NELL2: variants seen among roughly 807,000 people sequenced by gnomAD.
NELL2 encodes neural EGFL like 2.
Under a neutral mutation model 109.6 loss-of-function variants are expected in NELL2, and 41 were observed. The ratio of observed to expected loss-of-function variants is 0.37; its 90% CI spans 0.29 to 0.49. The LOEUF (loss-of-function observed/expected upper bound fraction) is 0.49. Ranked by LOEUF, NELL2 falls within the 20% of genes least tolerant of loss-of-function variation. The pLI, the probability that NELL2 is intolerant of heterozygous loss-of-function variation, is 0.98. For synonymous variants in NELL2, 355 were observed against 344.7 expected, an observed-to-expected ratio of 1.03 and a Z score of -0.33; for missense variants, 900 against 1,008.3, an observed-to-expected ratio of 0.89 and a Z score of 1.45.
intron 2 of NELL2, among the ~76,000 whole-genome samples, chr12:44,826,714 GT>G (rs1025935832): frequency 1.7e-4 from 26 of 152,112 alleles, no homozygotes; most frequent in African/African-American, 6.0e-4. Flanking sequence ...ATCACAGGTC[GT>G]TTCTATGAAC....
intron 3 of NELL2, among the ~76,000 whole-genome samples, chr12:44,796,215 C>T (rs959905086): frequency 1.3e-5 from 2 of 152,106 alleles, no homozygotes; most frequent in Non-Finnish European, 2.9e-5. Flanking sequence ...TTATGACTTG[C>T]ATTTCCTATG....
intron 15 of NELL2, among the ~76,000 whole-genome samples, chr12:44,605,334 G>T (rs1455805781): frequency 6.6e-6 from 1 of 152,060 alleles, no homozygotes; most frequent in African/African-American, 2.4e-5. Flanking sequence ...ATGTATAAAG[G>T]GTACAACACA....
chr12:44,896,988 C>T (rs1488551397), intron 1 of NELL2, among the ~76,000 whole-genome samples: 1 of 152,132 alleles, frequency 6.6e-6, no homozygotes, highest in Non-Finnish European at 1.5e-5. Context: ...CGAAGGGGAA[C>T]TTTAAAATGT....
intron 9 of NELL2, among the ~76,000 whole-genome samples, chr12:44,763,139 T>C (rs752635021): frequency 2.0e-5 from 3 of 152,202 alleles, no homozygotes; most frequent in Non-Finnish European, 4.4e-5. Context: ...GAGACATTAA[T>C]ACATTAAATA....
chr12:44,854,149 A>G (rs1049981715), intron 2 of NELL2, among the ~76,000 whole-genome samples: 45 of 152,196 alleles, frequency 3.0e-4, no homozygotes, highest in Admixed American at 2.9e-3. Flanking sequence ...GGGACACTTA[A>G]TGGTCCATCA....
intron 19 of NELL2, among the ~76,000 whole-genome samples, chr12:44,509,720 GTTGT>G (rs2138951909): frequency 6.6e-6 from 1 of 152,226 alleles, no homozygotes; most frequent in Non-Finnish European, 1.5e-5. Context: ...ATGAATTGTC[GTTGT>G]TTAAGCCACC....
chr12:44,702,349 GA>G (rs1283770426), intron 12 of NELL2, among the ~76,000 whole-genome samples: 3 of 152,098 alleles, frequency 2.0e-5, no homozygotes, highest in African/African-American at 7.2e-5. Context: ...ATCAAGCCTA[GA>G]AAAGTGTTCA....
At chr12:44,680,737 T>A (rs1233081921) in intron 12 of NELL2, among the ~76,000 whole-genome samples, 3 of 152,124 alleles carry the variant, frequency 2.0e-5, no homozygotes, top group Non-Finnish European at 4.4e-5. Context: ...TCTTTCTCCA[T>A]CACAAAACTC....
chr12:44,800,162 T>G (rs188786922), intron 3 of NELL2, among the ~76,000 whole-genome samples: 1 of 152,306 alleles, frequency 6.6e-6, no homozygotes. Flanking sequence ...TAATTTTACT[T>G]TAAAATATGG....
At chr12:44,777,727 T>C (rs1427770813) in intron 5 of NELL2, among the ~76,000 whole-genome samples, 1 of 152,178 alleles carries the variant, frequency 6.6e-6, no homozygotes, top group African/African-American at 2.4e-5. Context: ...AAGAAAAGGA[T>C]AGAAAAACTG....
intron 2 of NELL2, among the ~76,000 whole-genome samples, chr12:44,817,200 A>C (rs1325778723): frequency 1.3e-5 from 2 of 152,336 alleles, no homozygotes; most frequent in South Asian, 4.1e-4. Flanking sequence ...GCAACAACCC[A>C]AAGTACTCCC....
At chr12:44,587,305 A>T (rs779407531) in intron 15 of NELL2, among the ~76,000 whole-genome samples, 1,266 of 118,036 alleles carry the variant, frequency 0.011, 33 homozygotes, top group African/African-American at 0.043. Context: ...ATATATATAT[A>T]TATTTTTTTT....
intron 9 of NELL2, among the ~76,000 whole-genome samples, chr12:44,739,847 G>A (rs146712538): frequency 3.2e-4 from 49 of 152,198 alleles, no homozygotes; most frequent in African/African-American, 1.1e-3. Flanking sequence ...CCAAGATTGC[G>A]CGACTGCACT....
intron 9 of NELL2, among the ~76,000 whole-genome samples, chr12:44,718,906 T>C (rs1241547942): frequency 6.6e-6 from 1 of 152,172 alleles, no homozygotes; most frequent in Non-Finnish European, 1.5e-5. Flanking sequence ...GTCTGTGTGA[T>C]TTAGGTCACC....
At chr12:44,752,549 C>G (rs1940699701) in intron 9 of NELL2, among the ~76,000 whole-genome samples, 2 of 152,302 alleles carry the variant, frequency 1.3e-5, no homozygotes, top group African/African-American at 2.4e-5. Flanking sequence ...CTCACTACAG[C>G]TTTTGCTTCC....
At chr12:44,527,348 C>T (rs1013619835) in intron 16 of NELL2, among the ~76,000 whole-genome samples, 2 of 151,978 alleles carry the variant, frequency 1.3e-5, no homozygotes, top group African/African-American at 2.4e-5. Context: ...CAGACAGAGA[C>T]AAAATTTTAG....
intron 9 of NELL2, among the ~76,000 whole-genome samples, chr12:44,725,631 A>T (rs1013409089): frequency 6.6e-6 from 1 of 152,230 alleles, no homozygotes; most frequent in African/African-American, 2.4e-5. Flanking sequence ...AGACTGGATT[A>T]AAAAAATGTG....
chr12:44,585,067 C>T (rs868037344), intron 15 of NELL2, among the ~76,000 whole-genome samples: 2 of 152,126 alleles, frequency 1.3e-5, no homozygotes, highest in East Asian at 1.9e-4. Context: ...TTAAAACATA[C>T]TTGAAAAATT....
intron 19 of NELL2, 54 bp downstream of exon 19, chr12:44,519,951 G>A: frequency 1.4e-6 from 2 of 1,409,766 alleles, no homozygotes; most frequent in Non-Finnish European, 2.0e-6. Context: ...TATTATCTAT[G>A]AGCCCTGGGT....
Sources: allele counts gnomAD v4.1 joint callset (sites outside exome capture counted in the v4.1 genomes callset), GRCh38; gene constraint gnomAD v4.1.1; transcripts MANE v1.5; gene names NCBI Gene and HGNC (gene_info 2026-07-23, HGNC 2026-07-21).